The following KEAP1 variants were observed in gnomAD, a reference collection of about 807,000 sequenced individuals.
KEAP1 encodes kelch-like ECH-associated protein 1.
A neutral mutation model predicts 59.7 loss-of-function variants in KEAP1; 26 were observed. The ratio of observed to expected loss-of-function variants is 0.44; its 90% CI spans 0.32 to 0.60. The LOEUF is 0.60. Among genes scored for constraint, KEAP1 ranks in the 20% least tolerant of loss-of-function variants. The probability of loss-of-function intolerance (pLI) is 0.06; values close to 1 mark genes in which losing one functional copy is unlikely to be tolerated. For synonymous variants in KEAP1, 350 were observed against 358.3 expected, an observed-to-expected ratio of 0.98 and a Z score of 0.26; for missense variants, 539 against 871.4, an observed-to-expected ratio of 0.62 and a Z score of 4.80.
intron 2 of KEAP1, among the ~76,000 whole-genome samples, chr19:10,498,047 T>C (rs1231366155): frequency 6.9e-6 from 1 of 145,148 alleles, no homozygotes; most frequent in African/African-American, 2.6e-5. Flanking sequence ...ATTACAAGCA[T>C]GAGCCACCAT....
rs1471386411 is a variant in KEAP1, at chr19:10,499,424, G to A, written c.610C>T (p.Arg204Trp). Residue 204 changes from arginine to tryptophan, a missense_variant, in exon 2 of 6, where the codon CGG (arginine) becomes TGG (tryptophan). Arg to Trp is a moderately radical substitution (Grantham distance 101). Transcript: ENST00000171111. This position sits in a 1 kb window ranked among gnomAD's most constrained non-coding sequence, Gnocchi z 6.7. ...IGCVELHQRA[R>W]EYIYMHFGEV... is the part of the protein sequence containing the mutation. ...CCAAAATGCATGTAGATGTACTCCCGGGCACGCTGGTGCAACTCCACACAG... is the reference window on the plus strand; with the variant it reads ...CCAAAATGCATGTAGATGTACTCCCAGGCACGCTGGTGCAACTCCACACAG... 5 of 1,611,578 alleles carry A rather than the reference G, an allele frequency of 3.1e-6. No individual in the cohort carries two copies. Among genetic ancestry groups the A allele is most frequent in the Non-Finnish European group, 4.2e-6 (5 of 1,179,234 alleles).
chr19:10,489,301 G>A lies in KEAP1; in HGVS notation c.1599C>T (p.Ser533=), dbSNP rs760096146. ...GGYDGQDQLN[S]VERYDVETET... ...CTGTTTCCACATCGTAGCGCTCCAC[G>A]CTGTTCAGCTGGTCCTGACCATCAT... Residue 533 remains serine, a synonymous_variant, in exon 5 of 6, where the codon AGC becomes AGT. Transcript: ENST00000171111. 158 of 1,613,842 alleles carry A rather than the reference G, an allele frequency of 9.8e-5. No homozygotes were observed. Among genetic ancestry groups the A allele is most frequent in the Non-Finnish European group, 1.2e-4 (136 of 1,179,998 alleles).
intron 5 of KEAP1, among the ~76,000 whole-genome samples, chr19:10,488,032 G>T (rs1224034072): frequency 6.6e-6 from 1 of 152,098 alleles, no homozygotes; most frequent in Non-Finnish European, 1.5e-5. Flanking sequence ...GGAGGCTGAG[G>T]GAGGAAAATC....
chr19:10,490,117 T>C (rs1568397434), intron 3 of KEAP1, among the ~76,000 whole-genome samples: 1 of 151,864 alleles, frequency 6.6e-6, no homozygotes, highest in African/African-American at 2.4e-5. Flanking sequence ...CTGGGTGTGA[T>C]GGCAGATGCC....
Position 10,499,950 on chromosome 19 carries a change from C to T in KEAP1, c.84G>A (p.Gly28=), listed in dbSNP as rs776196049. ...PLQSQCPEGA[G]DAVMYASTEC... is the part of the protein sequence containing the mutation. ...CAGTGGAGGCGTACATCACCGCGTC[C>T]CCTGCCCCCTCAGGGCACTGTGACT... Residue 28 remains glycine (G), a synonymous_variant, in exon 2 of 6, where the codon GGG becomes GGA. Transcript: ENST00000171111. This position sits in a 1 kb window ranked among gnomAD's most constrained non-coding sequence, Gnocchi z 6.7. 1.2e-5 allele frequency: 19 copies of T among 1,607,438 alleles called. No individual in the cohort carries two copies. The Admixed American group carries it at 1.5e-4, about 13-fold the overall frequency.
chr19:10,500,115 G>A, intron 1 of KEAP1, 35 bp from the exon 2 acceptor site: 1 of 1,430,478 alleles, frequency 7.0e-7, no homozygotes, highest in Non-Finnish European at 9.3e-7. Context: ...GAGGGCAGGG[G>A]TTGGGACTGG....
chr19:10,492,590 C>G (rs1013565662), intron 2 of KEAP1: 6 of 281,744 alleles, frequency 2.1e-5, no homozygotes, highest in Non-Finnish European at 4.1e-5. Context: ...TGGTGGCACA[C>G]GCCTCTAGTC....
In KEAP1 at chr19:10,486,725, C is replaced by T. The variant is rs2144577923; in HGVS notation, c.1802G>A (p.Arg601Gln). The T allele has an allele frequency of 2.5e-6, 4 of 1,614,112 alleles. No homozygotes were observed. Among genetic ancestry groups the T allele is most frequent in the Non-Finnish European group, 3.4e-6 (4 of 1,180,032 alleles). The stretch of plus-strand genomic sequence containing the variant: ...GGTGACAGCCACGCCCACCCCACTC[C>T]GGCCCGATGTCATTCGGGTCACCTC... Reference protein sequence around the residue: ...WSEVTRMTSGRSGVGVAVTME... With the variant: ...WSEVTRMTSGQSGVGVAVTME... Residue 601 changes from arginine (R) to glutamine (Q), a missense_variant, in exon 6 of 6, where the codon CGG becomes CAG. Around this residue, in one of 4 missense-constraint regions of KEAP1, gnomAD observed 311 missense variants for 425.2 expected, o/e 0.73. Transcript: ENST00000171111.
At chr19:10,489,928 T>A in intron 3 of KEAP1, 75 bp from the exon 4 acceptor site, 1 of 1,356,060 alleles carries the variant, frequency 7.4e-7, no homozygotes, top group Non-Finnish European at 1.0e-6. Context: ...GGCCAGATAC[T>A]CTTTTTTTTC....
intron 1 of KEAP1, among the ~76,000 whole-genome samples, chr19:10,500,815 G>A (rs540349277): frequency 6.3e-4 from 96 of 151,842 alleles, no homozygotes; most frequent in Non-Finnish European, 1.1e-3. Flanking sequence ...GAGTAGCTGG[G>A]ACTACAGGCG....
intron 5 of KEAP1, among the ~76,000 whole-genome samples, chr19:10,488,664 G>A (rs1339913137): frequency 2.0e-5 from 3 of 151,736 alleles, no homozygotes; most frequent in African/African-American, 7.3e-5. Flanking sequence ...CGGGCGCGGT[G>A]GCTCATGCCT....
Position 10,491,939 on chromosome 19 carries a change from C to A in KEAP1, c.963G>T (p.Ala321=), listed in dbSNP as rs759766393. 5 of 1,592,614 alleles carry A rather than the reference C, an allele frequency of 3.1e-6. No individual in the cohort carries two copies. Among genetic ancestry groups the A allele is most frequent in the Non-Finnish European group, 4.3e-6 (5 of 1,169,248 alleles). The change falls in exon 3 of 6, where the codon GCG becomes GCT. Residue 321 remains alanine (A), a synonymous_variant. Coordinates refer to ENST00000171111, the MANE Select transcript of KEAP1 (RefSeq NM_203500.2). The surrounding 1 kb of genome is among the most constrained non-coding windows in gnomAD (Gnocchi z 5.2). The part of the protein sequence containing the change: ...HKPTQVMPCR[A]PKVGRLIYTA... The stretch of plus-strand genomic sequence containing the variant: ...TGTAGATCAGGCGGCCCACCTTGGG[C>A]GCCCGGCAGGGCATCACCTGCGTGG...
chr19:10,486,335 G>T lies in KEAP1; in HGVS notation c.*317C>A. 3.4e-6 allele frequency: 1 copy of T among 293,876 alleles called. No homozygotes were observed. The highest frequency in any genetic ancestry group is 6.4e-6 in the Non-Finnish European group (1 of 156,864). 18.2% of individuals were successfully genotyped at this position (293,876 alleles called of 1,614,324 possible). On this transcript the variant is annotated 3_prime_UTR_variant, in exon 6 of 6. Coordinates refer to ENST00000171111, the MANE Select transcript of KEAP1 (RefSeq NM_203500.2). ...TCCAAGAATAAATCACATGGTGACA[G>T]CTGCCGGCATGGGTGAGTGGGACCC...
rs2144590157 is a variant in KEAP1 at position 10,489,735 on chromosome 19, T to C, written c.1444A>G (p.Asn482Asp). ...LYAVGGFDGT[N>D]RLNSAECYYP... is the part of the protein sequence containing the mutation. ...TAACACTCAGCTGAATTAAGGCGGTTTGTCCCGTCAAAGCCCCCCACGGCA... is the reference window on the plus strand; with the variant it reads ...TAACACTCAGCTGAATTAAGGCGGTCTGTCCCGTCAAAGCCCCCCACGGCA... The change falls in exon 4 of 6, where the codon AAC becomes GAC. Residue 482 changes from asparagine (N) to aspartate (D), a missense_variant. Physicochemically the swap from Asn to Asp is conservative, Grantham distance 23 (BLOSUM62 1). Around this residue, in one of 4 missense-constraint regions of KEAP1, gnomAD observed 311 missense variants for 425.2 expected, o/e 0.73. Coordinates refer to ENST00000171111, the MANE Select transcript of KEAP1 (RefSeq NM_203500.2). 6.2e-7 allele frequency: 1 copy of C among 1,614,062 alleles called. No individual in the cohort carries two copies. Among genetic ancestry groups the C allele is most frequent in the Non-Finnish European group, 8.5e-7 (1 of 1,180,022 alleles).
rs2144597642 is a variant in KEAP1 at position 10,491,702 on chromosome 19, G to A, written c.1200C>T (p.Thr400=). 6.4e-7 allele frequency: 1 copy of A among 1,568,624 alleles called. No homozygotes were observed. ...TGGGGGCGCAGGGCGACCACTGATTGGTCATGGGGTTGTAACAGTCCAGGG... is the reference window on the plus strand; with the variant it reads ...TGGGGGCGCAGGGCGACCACTGATTAGTCATGGGGTTGTAACAGTCCAGGG... ...SSALDCYNPM[T]NQWSPCAPMS... is the part of the protein sequence containing the mutation. The change falls in exon 3 of 6, where the codon ACC becomes ACT. Residue 400 remains threonine, a synonymous_variant. Transcript: ENST00000171111. The surrounding 1 kb of genome is among the most constrained non-coding windows in gnomAD (Gnocchi z 5.2).
rs2144589252 is a variant in KEAP1, at chr19:10,489,647, C to G, written c.1531+1G>C. 1 of 1,613,792 alleles carries G rather than the reference C, an allele frequency of 6.2e-7. No homozygotes were observed. The highest frequency in any genetic ancestry group is 8.5e-7 in the Non-Finnish European group (1 of 1,179,998). On this transcript the variant is annotated splice_donor_variant, in intron 4 of 5. Transcript: ENST00000171111. LOFTEE classifies it high-confidence loss of function. Reference sequence around the variant, plus strand: ...CTCCCCTCCCTACCGTCCCCACCCACCTGCCCCGCTTCGGATGGTGTTCAT... The same window carrying G: ...CTCCCCTCCCTACCGTCCCCACCCAGCTGCCCCGCTTCGGATGGTGTTCAT...
At chr19:10,493,862 G>A (rs1300100160) in intron 2 of KEAP1, among the ~76,000 whole-genome samples, 1 of 151,680 alleles carries the variant, frequency 6.6e-6, no homozygotes, top group Non-Finnish European at 1.5e-5. Context: ...CGCCTGGCCA[G>A]TCTTGAACTC....
Position 10,499,816 on chromosome 19 carries a change from C to T in KEAP1, c.218G>A (p.Ser73Asn), listed in dbSNP as rs774932705. ...CAGTGTGACGTCACACAGCTGCTGG[C>T]TGAGCCGCAGCTCGTTCATGATGCC... ...AFGIMNELRL[S>N]QQLCDVTLQV... Residue 73 changes from serine (S) to asparagine (N), a missense_variant, in exon 2 of 6, where the codon AGC becomes AAC. By Grantham distance (46) the Ser-to-Asn change is conservative (BLOSUM62 1). This residue lies in a region of KEAP1 where 166 missense variants were observed against 295.8 expected (regional missense o/e 0.56). Coordinates refer to ENST00000171111, the MANE Select transcript of KEAP1 (RefSeq NM_203500.2). The surrounding 1 kb of genome is among the most constrained non-coding windows in gnomAD (Gnocchi z 6.7). 1.9e-5 allele frequency: 31 copies of T among 1,613,938 alleles called. No individual in the cohort carries two copies. In the Admixed American group the frequency reaches 5.2e-4, roughly 27 times the overall value.
rs970901359 is a variant in KEAP1 at position 10,493,808 on chromosome 19, G to A, written c.640-1546C>T. On this transcript the variant is annotated intron_variant, in intron 2 of 5. Coordinates refer to ENST00000171111, the MANE Select transcript of KEAP1 (RefSeq NM_203500.2). ...GATCTCCTGACCTCGTGATCCGCCC[G>A]CCTCGGCCTCCCAAAGTGCTGGGAT... Among the ~76,000 whole-genome samples, 11 of 151,624 alleles carry A rather than the reference G, an allele frequency of 7.3e-5. No homozygotes were observed. In the East Asian group the frequency reaches 7.8e-4, roughly 11 times the overall value.
Sources: allele counts gnomAD v4.1 joint callset (sites outside exome capture counted in the v4.1 genomes callset), GRCh38; gene constraint gnomAD v4.1.1; regional missense constraint gnomAD v4.1.1; non-coding constraint Gnocchi (gnomAD v3.1); transcripts MANE v1.5; gene names NCBI Gene and HGNC (gene_info 2026-07-23, HGNC 2026-07-21).